KLRD1: variants seen among roughly 807,000 people sequenced by gnomAD.
The protein encoded by KLRD1 is natural killer cells antigen CD94.
Under a neutral mutation model 22.6 loss-of-function variants are expected in KLRD1, and 21 were observed. The observed-to-expected ratio is 0.93, with a 90% CI of 0.66 to 1.34. The LOEUF is 1.34. KLRD1 is among the 40% of genes most tolerant of loss of function. KLRD1 has a pLI of 0.00. For missense variants in KLRD1, 183 were observed against 208.6 expected, an observed-to-expected ratio of 0.88 and a Z score of 0.76; for synonymous variants, 59 against 71.1, an observed-to-expected ratio of 0.83 and a Z score of 0.85.
upstream of KLRD1, among the ~76,000 whole-genome samples, chr12:10,303,895 C>A (rs1949888249): frequency 6.6e-6 from 1 of 152,122 alleles, no homozygotes; most frequent in Admixed American, 6.6e-5. Flanking sequence ...ATGCAAAAGT[C>A]TGTTTAAGTA....
upstream of KLRD1, among the ~76,000 whole-genome samples, chr12:10,306,999 G>T (rs1949940830): frequency 6.6e-6 from 1 of 152,030 alleles, no homozygotes; most frequent in South Asian, 2.1e-4. Context: ...TTTGTATGGG[G>T]GTGCATGGTA....
At chr12:10,259,655 T>A (rs1156565375) in intron 1 of KLRD1, among the ~76,000 whole-genome samples, 1 of 152,234 alleles carries the variant, frequency 6.6e-6, no homozygotes, top group African/African-American at 2.4e-5. Context: ...TCATCTGAGA[T>A]CATTTTCTTA....
In KLRD1 at chr12:10,324,399, C is replaced by T. The variant is rs193180812; in HGVS notation, c.*9606C>T. 3 of 152,044 alleles carry T rather than the reference C, an allele frequency of 2.0e-5. No individual in the cohort carries two copies. The highest frequency in any genetic ancestry group is 4.8e-5 in the African/African-American group (2 of 41,378). The allele number at this position is 152,044 out of a possible 1,614,324, so 9.4% of individuals were successfully genotyped here. Reference sequence around the variant, plus strand: ...TATCCTCATCCTTCTCCCTCTCCCCCCCAAGTAGGCCCCAGTGTCTATTGT... The same window carrying T: ...TATCCTCATCCTTCTCCCTCTCCCCTCCAAGTAGGCCCCAGTGTCTATTGT... On this transcript the variant is annotated 3_prime_UTR_variant, in exon 6 of 6. Transcript: ENST00000336164.
chr12:10,306,042 G>C (rs1949919797), upstream of KLRD1, among the ~76,000 whole-genome samples: 1 of 152,074 alleles, frequency 6.6e-6, no homozygotes, highest in African/African-American at 2.4e-5. Flanking sequence ...GGTGGCGGGA[G>C]CCTGTAGCCC....
intron 1 of KLRD1, among the ~76,000 whole-genome samples, chr12:10,265,324 TC>T (rs1338289938): frequency 6.6e-6 from 1 of 152,204 alleles, no homozygotes; most frequent in Admixed American, 6.5e-5. Flanking sequence ...TATATTTACT[TC>T]ATAAACTTAT....
intron 1 of KLRD1, among the ~76,000 whole-genome samples, chr12:10,288,242 CA>C (rs71300167): frequency 2.1e-3 from 202 of 94,848 alleles, no homozygotes; most frequent in Middle Eastern, 6.8e-3. Flanking sequence ...GACTCCGTCT[CA>C]AAAAAAAAAA....
At chr12:10,268,743 T>C (rs1402555835) in intron 1 of KLRD1, among the ~76,000 whole-genome samples, 1 of 152,218 alleles carries the variant, frequency 6.6e-6, no homozygotes, top group Non-Finnish European at 1.5e-5. Flanking sequence ...ATCCTTGTCT[T>C]CCTGATTGAA....
Position 10,325,745 on chromosome 12 carries a change from G to A in KLRD1, c.*10952G>A, listed in dbSNP as rs1173703843. ...CTATTGTATGTGTATGTACACATTG[G>A]CTACTGTGACTAGTATAGCAATGGA... On this transcript the variant is annotated 3_prime_UTR_variant, in exon 6 of 6. Coordinates refer to ENST00000336164, the MANE Select transcript of KLRD1 (RefSeq NM_002262.5). The A allele has an allele frequency of 6.6e-6, 1 of 152,134 alleles. No individual in the cohort carries two copies. The highest frequency in any genetic ancestry group is 1.5e-5 in the Non-Finnish European group (1 of 68,002). The allele number at this position is 152,134 out of a possible 1,614,324, so 9.4% of individuals were successfully genotyped here. A position where few individuals can be genotyped will look rare whatever the true frequency, so the allele number is the denominator to read the frequency against.
rs1340154572 is a variant in KLRD1, at chr12:10,279,407, G to C, written c.-100-28571G>C. 3.9e-5 allele frequency among the ~76,000 whole-genome samples: 6 copies of C among 152,228 alleles called. No individual in the cohort carries two copies. In the South Asian group the frequency reaches 1.0e-3, roughly 26 times the overall value. On this transcript the variant is annotated intron_variant, in intron 1 of 5. Coordinates refer to the KLRD1 transcript ENST00000544747. Reference sequence around the variant, plus strand: ...GAAAAATGATTTTTAAAATGGTCTAGCTTCCTGTTTCTCTAGTATAAATGC... The same window carrying C: ...GAAAAATGATTTTTAAAATGGTCTACCTTCCTGTTTCTCTAGTATAAATGC...
upstream of KLRD1, among the ~76,000 whole-genome samples, chr12:10,307,333 G>A (rs1194385005): frequency 6.6e-6 from 1 of 152,170 alleles, no homozygotes; most frequent in Non-Finnish European, 1.5e-5. Context: ...GCGTCCAAGT[G>A]GGAAACCCAT....
chr12:10,311,267 A>G (rs1290436889), intron 3 of KLRD1, among the ~76,000 whole-genome samples, 197 bp from the exon 4 acceptor site: 1 of 152,214 alleles, frequency 6.6e-6, no homozygotes, highest in Non-Finnish European at 1.5e-5. Flanking sequence ...TTCTATCTCT[A>G]GAATATAATC....
In KLRD1 at chr12:10,314,998, T is replaced by C. The variant is rs1023884791; in HGVS notation, c.*205T>C. On this transcript the variant is annotated 3_prime_UTR_variant, in exon 6 of 6. Transcript: ENST00000336164. ...CACCTACATTTGAGAATTATAAAATTAACATAAAGAATTTTGTATTTTCAT... is the reference window on the plus strand; with the variant it reads ...CACCTACATTTGAGAATTATAAAATCAACATAAAGAATTTTGTATTTTCAT... 2.5e-6 allele frequency: 1 copy of C among 396,926 alleles called. No homozygotes were observed. The highest frequency in any genetic ancestry group is 4.0e-5 in the South Asian group (1 of 24,700). 24.6% of individuals were successfully genotyped at this position (396,926 alleles called of 1,614,324 possible). A position where few individuals can be genotyped will look rare whatever the true frequency, so the allele number is the denominator to read the frequency against.
At chr12:10,239,559 C>CTTTCTTTCTT (rs1565443439) in intron 1 of KLRD1, among the ~76,000 whole-genome samples, 1 of 116,228 alleles carries the variant, frequency 8.6e-6, no homozygotes, top group Non-Finnish European at 1.6e-5. Flanking sequence ...TTCTTTCTTT[C>CTTTCTTTCTT]TTTCTTTCTT....
chr12:10,304,115 C>A (rs1219956695), upstream of KLRD1, among the ~76,000 whole-genome samples: 1 of 152,186 alleles, frequency 6.6e-6, no homozygotes, highest in African/African-American at 2.4e-5. Context: ...CACCCAGTAT[C>A]ATGCTTTACT....
At chr12:10,250,472 T>C (rs1189051220) in intron 1 of KLRD1, among the ~76,000 whole-genome samples, 3 of 152,008 alleles carry the variant, frequency 2.0e-5, no homozygotes, top group East Asian at 1.9e-4. Context: ...CTTTTCTTTT[T>C]TTGAGACGGG....
chr12:10,291,267 G>A (rs1037294430), intron 1 of KLRD1, among the ~76,000 whole-genome samples: 6 of 152,136 alleles, frequency 3.9e-5, no homozygotes, highest in Admixed American at 3.9e-4. Context: ...GGTTGTTGAA[G>A]GCTGGGGTGA....
In KLRD1 at chr12:10,239,435, T is replaced by TA. The variant is rs1555098431; in HGVS notation, c.-101+13202_-101+13203insA. On this transcript the variant is annotated intron_variant, in intron 1 of 5. Coordinates refer to the KLRD1 transcript ENST00000544747. The stretch of plus-strand genomic sequence containing the variant: ...TTCCTTCTTTCCATCCTTCCTTCCT[T>TA]TCCTTCCTTCCTTCCTTCCTTCCTT... 2.6e-3 allele frequency among the ~76,000 whole-genome samples: 4 copies of TA among 1,540 alleles called. 1 individual carries two copies. In the East Asian group the frequency reaches 0.12, roughly 44 times the overall value. The allele number at this position is 1,540 out of a possible 152,430, so 1.0% of individuals were successfully genotyped here.
chr12:10,292,958 G>T (rs1949783431), intron 1 of KLRD1, among the ~76,000 whole-genome samples: 1 of 149,958 alleles, frequency 6.7e-6, no homozygotes, highest in Non-Finnish European at 1.5e-5. Flanking sequence ...GCTTCACCTT[G>T]TACATTTCTA....
chr12:10,255,107 G>GCTACTCTGGTGGCT (rs1199651559), intron 1 of KLRD1, among the ~76,000 whole-genome samples: 3 of 132,316 alleles, frequency 2.3e-5, no homozygotes, highest in East Asian at 2.8e-4. Flanking sequence ...ATGCTGGTGA[G>GCTACTCTGGTGGCT]GATGCAGAGA....
Sources: allele counts gnomAD v4.1 joint callset (sites outside exome capture counted in the v4.1 genomes callset), GRCh38; gene constraint gnomAD v4.1.1; transcripts MANE v1.5; gene names NCBI Gene and HGNC (gene_info 2026-07-23, HGNC 2026-07-21).